The following GABRB2 variants were observed in gnomAD, a reference collection of about 807,000 sequenced individuals.
GABRB2 encodes the protein gamma-aminobutyric acid type A receptor subunit beta2.
Under a neutral mutation model 54.7 loss-of-function variants are expected in GABRB2, and 16 were observed. The ratio of observed to expected loss-of-function variants is 0.29; its 90% CI spans 0.20 to 0.44. The LOEUF is 0.44. Among genes scored for constraint, GABRB2 ranks in the 20% least tolerant of loss-of-function variants. GABRB2 has a pLI of 1.00. For missense variants in GABRB2, 355 were observed against 644.0 expected, an observed-to-expected ratio of 0.55 and a Z score of 4.86; for synonymous variants, 244 against 233.8, an observed-to-expected ratio of 1.04 and a Z score of -0.40.
At chr5:161,306,381 C>T (rs1757691269) in intron 9 of GABRB2, among the ~76,000 whole-genome samples, 1 of 152,228 alleles carries the variant, frequency 6.6e-6, no homozygotes, top group African/African-American at 2.4e-5. Context: ...CAAACCCCAT[C>T]TGGACTATAA....
chr5:161,332,284 A>T (rs1753875632), intron 7 of GABRB2, among the ~76,000 whole-genome samples: 1 of 152,158 alleles, frequency 6.6e-6, no homozygotes, highest in Non-Finnish European at 1.5e-5. Context: ...AGAATACATT[A>T]TACAGGCAAT....
chr5:161,432,801 T>C (rs187256559), intron 4 of GABRB2, among the ~76,000 whole-genome samples: 1 of 151,918 alleles, frequency 6.6e-6, no homozygotes, highest in East Asian at 1.9e-4. Context: ...TCCCCGAGAG[T>C]CACCACACCG....
chr5:161,312,454 A>G (rs907917170), intron 9 of GABRB2, among the ~76,000 whole-genome samples: 3 of 152,176 alleles, frequency 2.0e-5, no homozygotes, highest in African/African-American at 7.2e-5. Flanking sequence ...AGGAAGGTCA[A>G]CCCCAGCTGA....
chr5:161,324,795 A>G (rs2113386610), intron 9 of GABRB2, among the ~76,000 whole-genome samples: 1 of 152,280 alleles, frequency 6.6e-6, no homozygotes, highest in East Asian at 1.9e-4. Context: ...ATAGAAAAGT[A>G]TAAAAACAAA....
chr5:161,362,343 CATTGAATCT>C (rs1315234896), intron 5 of GABRB2, among the ~76,000 whole-genome samples: 4 of 152,116 alleles, frequency 2.6e-5, no homozygotes, highest in African/African-American at 9.7e-5. Flanking sequence ...ATGGGGATAG[CATTGAATCT>C]ATAAATTACT....
chr5:161,445,179 T>C (rs1757581657), intron 4 of GABRB2, among the ~76,000 whole-genome samples: 1 of 152,152 alleles, frequency 6.6e-6, no homozygotes, highest in Non-Finnish European at 1.5e-5. Context: ...GCTTATATTC[T>C]AGTGGTGACA....
chr5:161,302,847 A>T (rs1757577539), intron 9 of GABRB2, among the ~76,000 whole-genome samples: 1 of 152,194 alleles, frequency 6.6e-6, no homozygotes, highest in African/African-American at 2.4e-5. Context: ...ATGAAATGCA[A>T]ATTCTATGAG....
At chr5:161,304,033 A>G (rs996949436) in intron 9 of GABRB2, among the ~76,000 whole-genome samples, 16 of 152,194 alleles carry the variant, frequency 1.1e-4, no homozygotes, top group African/African-American at 3.9e-4. Context: ...ATTCCAAACA[A>G]TACTTACTAA....
At chr5:161,465,042 C>T (rs1195239771) in intron 3 of GABRB2, among the ~76,000 whole-genome samples, 2 of 151,886 alleles carry the variant, frequency 1.3e-5, no homozygotes, top group Non-Finnish European at 2.9e-5. Context: ...TTTCTGTATG[C>T]AAATAAAAAA....
chr5:161,504,447 T>C, intron 3 of GABRB2, among the ~76,000 whole-genome samples: 1 of 152,130 alleles, frequency 6.6e-6, no homozygotes. Context: ...AAAATACTTT[T>C]AAAAAATTCA....
chr5:161,491,353 C>T (rs556149565), intron 3 of GABRB2, among the ~76,000 whole-genome samples: 4 of 151,622 alleles, frequency 2.6e-5, no homozygotes, highest in Admixed American at 6.6e-5. Context: ...CATTAGTTAG[C>T]GTTCCTTAAG....
rs1757953996 is a variant in GABRB2 at position 161,456,292 on chromosome 5, C to A, written c.458+3332G>T. Among the ~76,000 whole-genome samples, 3 of 152,204 alleles carry A rather than the reference C, an allele frequency of 2.0e-5. No homozygotes were observed. In the South Asian group the frequency reaches 6.2e-4, roughly 31 times the overall value. Reference sequence around the variant, plus strand: ...ATCTTGCCTGTGCCTCAGAAATCCACACAGCAAAATTCCCTACTAAACTGG... The same window carrying A: ...ATCTTGCCTGTGCCTCAGAAATCCAAACAGCAAAATTCCCTACTAAACTGG... On this transcript the variant is annotated intron_variant, in intron 4 of 9. Transcript: ENST00000393959.
chr5:161,439,083 G>A (rs1300158786), intron 4 of GABRB2, among the ~76,000 whole-genome samples: 2 of 152,050 alleles, frequency 1.3e-5, no homozygotes, highest in Admixed American at 1.3e-4. Context: ...ACCCAAAGAA[G>A]ACTAATTCAA....
chr5:161,433,376 G>C (rs970344936), intron 4 of GABRB2, among the ~76,000 whole-genome samples: 2 of 151,358 alleles, frequency 1.3e-5, no homozygotes, highest in African/African-American at 4.9e-5. Context: ...GAGGTGGGCG[G>C]CCTGCTTGAG....
chr5:161,370,227 A>G (rs1333885488), intron 5 of GABRB2, among the ~76,000 whole-genome samples: 2 of 152,200 alleles, frequency 1.3e-5, no homozygotes, highest in East Asian at 3.8e-4. Context: ...GAAAACAAAG[A>G]TAGACTTGCT....
At chr5:161,307,569 G>C (rs966548569) in intron 9 of GABRB2, among the ~76,000 whole-genome samples, 1 of 152,124 alleles carries the variant, frequency 6.6e-6, no homozygotes, top group Non-Finnish European at 1.5e-5. Context: ...CCATTGCTTA[G>C]TTGAGCCTTC....
intron 3 of GABRB2, among the ~76,000 whole-genome samples, chr5:161,472,739 G>T (rs1581014820): frequency 6.6e-6 from 1 of 152,022 alleles, no homozygotes; most frequent in East Asian, 1.9e-4. Flanking sequence ...GGTGCTACCT[G>T]TAATAATGTG....
At chr5:161,362,971 G>A (rs1163845404) in intron 5 of GABRB2, among the ~76,000 whole-genome samples, 4 of 152,120 alleles carry the variant, frequency 2.6e-5, no homozygotes, top group East Asian at 1.9e-4. Flanking sequence ...ACAGTGTGGC[G>A]ATTCCCCAAG....
chr5:161,486,564 C>T (rs1383201399), intron 3 of GABRB2, among the ~76,000 whole-genome samples: 1 of 151,926 alleles, frequency 6.6e-6, no homozygotes, highest in Non-Finnish European at 1.5e-5. Context: ...AGCCTGGGCA[C>T]ACAACAGGTT....
Sources: gnomAD v4.1 joint callset for allele counts (sites outside exome capture counted in the v4.1 genomes callset) on GRCh38, gnomAD v4.1.1 for gene constraint, MANE v1.5 for transcripts, NCBI Gene and HGNC (gene_info 2026-07-23, HGNC 2026-07-21) for gene names.